ATM: variants seen among roughly 807,000 people sequenced by gnomAD.
ATM encodes ATM serine/threonine kinase.
A neutral mutation model predicts 387.0 loss-of-function variants in ATM; 308 were observed. The observed-to-expected ratio is 0.80, with a 90% CI of 0.73 to 0.87. ATM has a LOEUF of 0.87. Ranked by LOEUF, ATM falls within the 40% of genes least tolerant of loss-of-function variation. ATM has a pLI of 0.00. For synonymous variants in ATM, 1,156 were observed against 1,187.3 expected (o/e 0.97, Z 0.54); for missense variants, 3,312 against 3,560.9 (o/e 0.93, Z 1.78).
intron 43 of ATM, among the ~76,000 whole-genome samples, chr11:108,319,232 T>TA (rs2085009731): frequency 6.6e-6 from 1 of 152,234 alleles, no homozygotes; most frequent in African/African-American, 2.4e-5. Context: ...AAGACTGCTA[T>TA]AAAATTAGAG....
At chr11:108,299,421 C>G (rs984211682) in intron 33 of ATM, 4 of 327,164 alleles carry the variant, frequency 1.2e-5, no homozygotes, top group African/African-American at 6.5e-5. Flanking sequence ...CCTCAGCCTC[C>G]TGAGTAGCTG....
At position 108,278,966 on chromosome 11, in the gene ATM, A is replaced by T. The variant is rs150078081; in HGVS notation, c.3285-525A>T. On this transcript the variant is annotated intron_variant, in intron 22 of 62. Coordinates refer to ENST00000675843, the MANE Select transcript of ATM (RefSeq NM_000051.4). ...AACATAAACAATTATAAAAGCTTCG[A>T]TTACTAAAAAAGGATAAAAGACAAA... 2.3e-4 allele frequency among the ~76,000 whole-genome samples: 35 copies of T among 152,352 alleles called. No individual in the cohort carries two copies. In the East Asian group the frequency reaches 3.3e-3, roughly 14 times the overall value.
Position 108,333,785 on chromosome 11 carries a change from T to G in ATM, c.7928-101T>G, listed in dbSNP as rs1032908370. ...CTCAATCAGAGCCTGAACCACAGAT[T>G]AGCAACAAGTTGGGGCCAGTGGTAT... On this transcript the variant is annotated intron_variant, in intron 53 of 62. Coordinates refer to ENST00000675843, the MANE Select transcript of ATM (RefSeq NM_000051.4). The G allele has an allele frequency of 1.7e-4, 161 of 937,462 alleles. 1 individual carries two copies. Among genetic ancestry groups the G allele is most frequent in the Non-Finnish European group, 2.5e-4 (144 of 568,942 alleles). 58.1% of individuals were successfully genotyped at this position (937,462 alleles called of 1,614,324 possible).
rs2091372042 is a variant in ATM at position 108,367,131 on chromosome 11, G to GCA, written c.*1624_*1625insAC. 1 of 179,432 alleles carries GCA rather than the reference G, an allele frequency of 5.6e-6. No homozygotes were observed. Among genetic ancestry groups the GCA allele is most frequent in the East Asian group, 9.3e-5 (1 of 10,702 alleles). 11.1% of individuals were successfully genotyped at this position (179,432 alleles called of 1,614,324 possible). A position where few individuals can be genotyped will look rare whatever the true frequency, so the allele number is the denominator to read the frequency against. ...GCCTCCCGAGTAGCTGGGACTACAG[G>GCA]CGTGTGCCAACACGCCCGGCTAATT... On this transcript the variant is annotated 3_prime_UTR_variant, in exon 63 of 63. Transcript: ENST00000675843.
chr11:108,301,894 T>G (rs2083453134), intron 35 of ATM, 105 bp downstream of exon 35: 4 of 1,221,352 alleles, frequency 3.3e-6, no homozygotes, highest in South Asian at 1.3e-5. Context: ...TTGTACTAAC[T>G]ATTAACCTTT....
chr11:108,294,237 A>G (rs1478600844), intron 31 of ATM, among the ~76,000 whole-genome samples: 2 of 152,168 alleles, frequency 1.3e-5, no homozygotes, highest in Admixed American at 1.3e-4. Flanking sequence ...ATAAACCTCG[A>G]AATTATGTTT....
chr11:108,282,805 T>TC lies in ATM; in HGVS notation c.3673dup (p.Gln1225ProfsTer4). ...ATCTGGTTTTGGAATGGCTAAATCT[T>TC]CAAGATACTGAATACAACTTATCTT... On this transcript the variant is annotated frameshift_variant, in exon 25 of 63. Coordinates refer to ENST00000675843, the MANE Select transcript of ATM (RefSeq NM_000051.4). LOFTEE classifies it high-confidence loss of function. 6.4e-7 allele frequency: 1 copy of TC among 1,574,424 alleles called. No homozygotes were observed.
In ATM at chr11:108,297,450, T is replaced by C. The variant is rs571854121; in HGVS notation, c.5005+68T>C. On this transcript the variant is annotated intron_variant, in intron 33 of 62. Transcript: ENST00000675843. Reference sequence around the variant, plus strand: ...GGATCACATATAGGACAGATTATAATACTGTATTTTTACTGTATGTTTTCT... The same window carrying C: ...GGATCACATATAGGACAGATTATAACACTGTATTTTTACTGTATGTTTTCT... 14 of 1,263,976 alleles carry C rather than the reference T, an allele frequency of 1.1e-5. No individual in the cohort carries two copies. The African/African-American group carries it at 1.2e-4, about 11-fold the overall frequency. 78.3% of individuals were successfully genotyped at this position (1,263,976 alleles called of 1,614,324 possible).
chr11:108,284,521 A>T (rs3218712), intron 26 of ATM, 48 bp downstream of exon 26: 4 of 1,604,088 alleles, frequency 2.5e-6, no homozygotes, highest in Non-Finnish European at 3.4e-6. Context: ...ATGATATGAG[A>T]TATAACCTTT....
In ATM at chr11:108,314,364, C is replaced by A. The variant is rs543122095; in HGVS notation, c.6007-1459C>A. 3.3e-5 allele frequency among the ~76,000 whole-genome samples: 5 copies of A among 152,214 alleles called. No homozygotes were observed. In the South Asian group the frequency reaches 1.0e-3, roughly 32 times the overall value. On this transcript the variant is annotated intron_variant, in intron 40 of 62. Transcript: ENST00000675843. ...CAAGCAGTCTGCCTGCCTTGGCTAC[C>A]CAAAGTACTGGGATTAAAGATGTGA...
chr11:108,289,810 CAT>C lies in ATM; in HGVS notation c.4436+12_4436+13del. ...CACTATATCAACCAAAGGTAAATAA[CAT>C]ATTTAGACCAATATATAAGCAGTCT... is the stretch of plus-strand genomic sequence containing the variant. On this transcript the variant is annotated intron_variant, in intron 29 of 62. Coordinates refer to ENST00000675843, the MANE Select transcript of ATM (RefSeq NM_000051.4). 3 of 1,605,838 alleles carry C rather than the reference CAT, an allele frequency of 1.9e-6. No individual in the cohort carries two copies. Among genetic ancestry groups the C allele is most frequent in the South Asian group, 1.1e-5 (1 of 90,642 alleles).
chr11:108,356,365 G>T (rs190711723), intron 61 of ATM, among the ~76,000 whole-genome samples: 1 of 151,904 alleles, frequency 6.6e-6, no homozygotes, highest in Non-Finnish European at 1.5e-5. Context: ...GTGAAACCCC[G>T]TCTCTAATAA....
chr11:108,289,869 GT>G, intron 29 of ATM, 68 bp downstream of exon 29: 1 of 1,452,472 alleles, frequency 6.9e-7, no homozygotes, highest in Non-Finnish European at 9.5e-7. Context: ...TTTTTGCTTT[GT>G]TTTGTTTTGT....
chr11:108,265,098 C>T lies in ATM; in HGVS notation c.2467-2073C>T, dbSNP rs1203508223. On this transcript the variant is annotated intron_variant, in intron 16 of 62. Coordinates refer to ENST00000675843, the MANE Select transcript of ATM (RefSeq NM_000051.4). ...ATTCAATGGCATCCCCATCAAGCTA[C>T]CAATGACTTTCTTCACAGAATTGGA... Among the ~76,000 whole-genome samples the T allele has an allele frequency of 6.6e-3, 999 of 150,236 alleles. 8 individuals carry two copies. Among genetic ancestry groups the T allele is most frequent in the African/African-American group, 0.023 (922 of 40,718 alleles).
At chr11:108,289,158 A>G in intron 28 of ATM, 55 bp downstream of exon 28, 1 of 1,524,890 alleles carries the variant, frequency 6.6e-7, no homozygotes, top group Non-Finnish European at 8.9e-7. Flanking sequence ...TTAGCTAAAA[A>G]AACTTTGTAA....
At chr11:108,310,695 C>G (rs1402621867) in intron 39 of ATM, among the ~76,000 whole-genome samples, 1 of 152,006 alleles carries the variant, frequency 6.6e-6, no homozygotes, top group Non-Finnish European at 1.5e-5. Flanking sequence ...CCACTAATTT[C>G]TAAACTATTC....
chr11:108,326,008 G>A (rs2136328694), intron 46 of ATM, 50 bp from the exon 47 acceptor site: 1 of 1,580,422 alleles, frequency 6.3e-7, no homozygotes, highest in Non-Finnish European at 8.7e-7. Flanking sequence ...ATTCATGGTA[G>A]TAGTATCAGT....
intron 26 of ATM, chr11:108,287,160 A>G (rs1325086385): frequency 6.4e-6 from 1 of 155,904 alleles, no homozygotes; most frequent in Non-Finnish European, 1.4e-5. Context: ...CAAAGATGAC[A>G]TTGTTCGCAG....
intron 59 of ATM, among the ~76,000 whole-genome samples, chr11:108,348,841 G>A (rs1296670374): frequency 4.6e-5 from 7 of 152,126 alleles, no homozygotes; most frequent in African/African-American, 9.7e-5. Flanking sequence ...TTCTGCATAA[G>A]TTATAAAAAG....
Sources: allele counts gnomAD v4.1 joint callset (sites outside exome capture counted in the v4.1 genomes callset), GRCh38; gene constraint gnomAD v4.1.1; transcripts MANE v1.5; gene names NCBI Gene and HGNC (gene_info 2026-07-23, HGNC 2026-07-21).